PMEPA1: variants seen among roughly 807,000 people sequenced by gnomAD.
The protein encoded by PMEPA1 is protein TMEPAI.
PMEPA1 carries 11 observed loss-of-function variants against 23.0 expected under a neutral mutation model. The observed-to-expected ratio is 0.48, with a 90% CI of 0.30 to 0.79. The LOEUF (loss-of-function observed/expected upper bound fraction) is 0.79, where lower values mean the gene tolerates loss of function less well. Ranked by LOEUF, PMEPA1 falls within the 30% of genes least tolerant of loss-of-function variation. The pLI is 0.06. For missense variants in PMEPA1, 377 were observed against 390.9 expected, an observed-to-expected ratio of 0.96 and a Z score of 0.30; for synonymous variants, 204 against 166.4, an observed-to-expected ratio of 1.23 and a Z score of -1.74.
rs2071327910 is a variant in PMEPA1, at chr20:57,656,442, G to C, written c.264+3101C>G. Among the ~76,000 whole-genome samples the C allele has an allele frequency of 6.6e-6, 1 of 151,978 alleles. No individual in the cohort carries two copies. Among genetic ancestry groups the C allele is most frequent in the African/African-American group, 2.4e-5 (1 of 41,438 alleles). On this transcript the variant is annotated intron_variant, in intron 2 of 3. Transcript: ENST00000341744. The surrounding 1 kb of genome is among the most constrained non-coding windows in gnomAD (Gnocchi z 4.7). ...CAAAGGGTCACCCCATCCAAGGCCTGAGTTCCTAGTCTGAGCAGGCCTTGG... is the reference window on the plus strand; with the variant it reads ...CAAAGGGTCACCCCATCCAAGGCCTCAGTTCCTAGTCTGAGCAGGCCTTGG...
Position 57,659,712 on chromosome 20 carries a change from A to G in PMEPA1, c.110-15T>C. Reference sequence around the variant, plus strand: ...CTCCAGCTCCGCTGTGGAGACAAAGAGGGACACGTGAGACCCTGGACACCT... The same window carrying G: ...CTCCAGCTCCGCTGTGGAGACAAAGGGGGACACGTGAGACCCTGGACACCT... On this transcript the variant is annotated splice_polypyrimidine_tract_variant and intron_variant, in intron 1 of 3. Transcript: ENST00000341744. The G allele has an allele frequency of 1.3e-6, 2 of 1,559,124 alleles. No individual in the cohort carries two copies. Among genetic ancestry groups the G allele is most frequent in the South Asian group, 2.4e-5 (2 of 84,698 alleles).
At chr20:57,670,319 G>T (rs145193381) in intron 1 of PMEPA1, among the ~76,000 whole-genome samples, 9 of 152,132 alleles carry the variant, frequency 5.9e-5, no homozygotes, top group Non-Finnish European at 1.2e-4. Context: ...CTAGGCCTCC[G>T]TGGTGCAGCA....
At chr20:57,708,617 C>G (rs1369770908) in intron 1 of PMEPA1, among the ~76,000 whole-genome samples, 1 of 152,188 alleles carries the variant, frequency 6.6e-6, no homozygotes, top group Non-Finnish European at 1.5e-5. Flanking sequence ...TAACCATGGT[C>G]TCAGCCAGAC....
In PMEPA1 at chr20:57,706,935, C is replaced by T. The variant is rs886403040; in HGVS notation, c.109+2539G>A. 1.6e-4 allele frequency among the ~76,000 whole-genome samples: 24 copies of T among 152,198 alleles called. 1 individual carries two copies. The highest frequency in any genetic ancestry group is 4.4e-5 in the Non-Finnish European group (3 of 68,044). On this transcript the variant is annotated intron_variant, in intron 1 of 3. Transcript: ENST00000341744. ...CAGCCTGAAGACCTCCAGCCAGGCTCAGCAGGGGAGAGGCCCTATCTTGAA... is the reference window on the plus strand; with the variant it reads ...CAGCCTGAAGACCTCCAGCCAGGCTTAGCAGGGGAGAGGCCCTATCTTGAA...
Position 57,694,971 on chromosome 20 carries a change from T to C in PMEPA1, c.109+14503A>G, listed in dbSNP as rs906125230. Among the ~76,000 whole-genome samples the C allele has an allele frequency of 1.3e-5, 2 of 152,190 alleles. 1 individual carries two copies. Among genetic ancestry groups the C allele is most frequent in the South Asian group, 4.1e-4 (2 of 4,826 alleles). ...TTTCTTCTTCTTCTTCAGAGCATGC[T>C]AGAGTCAAGGGGAGAGGGACCACTG... On this transcript the variant is annotated intron_variant, in intron 1 of 3. Transcript: ENST00000341744.
chr20:57,705,508 G>A lies in PMEPA1; in HGVS notation c.109+3966C>T, dbSNP rs144585067. ...AAACATCAGCTTTCACTAACGCCAG[G>A]GTCTCTCCTTAGAAAAGCAAATCCA... is the stretch of plus-strand genomic sequence containing the variant. On this transcript the variant is annotated intron_variant, in intron 1 of 3. Transcript: ENST00000341744. 3.3e-5 allele frequency among the ~76,000 whole-genome samples: 5 copies of A among 152,194 alleles called. No homozygotes were observed. In the East Asian group the frequency reaches 9.6e-4, roughly 29 times the overall value.
intron 1 of PMEPA1, 94 bp from the exon 2 acceptor site, chr20:57,659,791 G>C (rs914304789): frequency 3.6e-5 from 43 of 1,210,808 alleles, no homozygotes; most frequent in Non-Finnish European, 4.9e-5. Flanking sequence ...CCCACCTAGG[G>C]GGACGAGAGT....
At chr20:57,657,381 C>A (rs1192956651) in intron 2 of PMEPA1, among the ~76,000 whole-genome samples, 1 of 152,194 alleles carries the variant, frequency 6.6e-6, no homozygotes, top group African/African-American at 2.4e-5. Flanking sequence ...TTCACACCGG[C>A]AGTGACAAGC....
At chr20:57,710,098 C>G (rs538199596), upstream of PMEPA1, 5 of 885,886 alleles carry the variant, frequency 5.6e-6, no homozygotes, top group South Asian at 2.6e-4. Flanking sequence ...CGCCGAGGTT[C>G]CCCCGCACCC....
intron 1 of PMEPA1, among the ~76,000 whole-genome samples, chr20:57,662,226 A>G (rs954754747): frequency 6.6e-6 from 1 of 152,178 alleles, no homozygotes; most frequent in Non-Finnish European, 1.5e-5. Flanking sequence ...GGCTGTGGTA[A>G]CCGTCCTGCA....
Position 57,652,244 on chromosome 20 carries a change from T to G in PMEPA1, c.673A>C (p.Met225Leu), listed in dbSNP as rs1196484107. 6.2e-7 allele frequency: 1 copy of G among 1,606,888 alleles called. No individual in the cohort carries two copies. The highest frequency in any genetic ancestry group is 8.5e-7 in the Non-Finnish European group (1 of 1,179,222). Residue 225 changes from methionine (M) to leucine (L), a missense_variant, in exon 4 of 4, where the codon ATG becomes CTG. Around this residue, in one of 3 missense-constraint regions of PMEPA1, gnomAD observed 176 missense variants for 173.0 expected, o/e 1.02. Transcript: ENST00000341744. This position sits in a 1 kb window ranked among gnomAD's most constrained non-coding sequence, Gnocchi z 6.1. ...SATCYGSGGR[M>L]EGPPPTYSEV... ...CTGTAGGTGGGCGGCGGCCCCTCCATGCGCCCGCCGCTGCCGTAGCACGTG... is the reference window on the plus strand; with the variant it reads ...CTGTAGGTGGGCGGCGGCCCCTCCAGGCGCCCGCCGCTGCCGTAGCACGTG...
Position 57,652,977 on chromosome 20 carries a change from G to C in PMEPA1, c.318+56C>G. On this transcript the variant is annotated intron_variant, in intron 3 of 3. Coordinates refer to ENST00000341744, the MANE Select transcript of PMEPA1 (RefSeq NM_020182.5). The surrounding 1 kb of genome is among the most constrained non-coding windows in gnomAD (Gnocchi z 6.1). ...CAGCCCACACTGTTCCAGCCGCAGC[G>C]GGAGCAGCCCAGGGTGGGATGGGGG... is the stretch of plus-strand genomic sequence containing the variant. 7.0e-7 allele frequency: 1 copy of C among 1,436,428 alleles called. No individual in the cohort carries two copies. Among genetic ancestry groups the C allele is most frequent in the Non-Finnish European group, 9.6e-7 (1 of 1,037,194 alleles). 89.0% of individuals were successfully genotyped at this position (1,436,428 alleles called of 1,614,324 possible).
At chr20:57,695,166 T>C (rs2071929499) in intron 1 of PMEPA1, among the ~76,000 whole-genome samples, 1 of 152,264 alleles carries the variant, frequency 6.6e-6, no homozygotes, top group Admixed American at 6.5e-5. Context: ...GATTCATACC[T>C]GTCTGGGGTC....
chr20:57,668,583 G>A (rs568412688), intron 1 of PMEPA1, among the ~76,000 whole-genome samples: 12 of 152,268 alleles, frequency 7.9e-5, no homozygotes, highest in East Asian at 1.9e-4. Flanking sequence ...AGCAGGCCCC[G>A]GTCCAGCGCC....
rs982686985 is a variant in PMEPA1, at chr20:57,649,852, C to A, written c.*2201G>T. 1.3e-5 allele frequency: 2 copies of A among 152,626 alleles called. No homozygotes were observed. The highest frequency in any genetic ancestry group is 4.8e-5 in the African/African-American group (2 of 41,436). 9.5% of individuals were successfully genotyped at this position (152,626 alleles called of 1,614,324 possible). A position where few individuals can be genotyped will look rare whatever the true frequency, so the allele number is the denominator to read the frequency against. On this transcript the variant is annotated 3_prime_UTR_variant, in exon 4 of 4. Transcript: ENST00000341744. ...GAGTGAGGCACTGTCCGGGAACGTCCTCACCGAGCGACGGGAGTGTCACTG... is the reference window on the plus strand; with the variant it reads ...GAGTGAGGCACTGTCCGGGAACGTCATCACCGAGCGACGGGAGTGTCACTG...
chr20:57,693,820 G>A (rs2071913311), intron 1 of PMEPA1, among the ~76,000 whole-genome samples: 1 of 152,200 alleles, frequency 6.6e-6, no homozygotes, highest in Non-Finnish European at 1.5e-5. Context: ...CTGAGTCTCA[G>A]CAGGCTCTTC....
chr20:57,673,155 G>A (rs1339847809), intron 1 of PMEPA1, among the ~76,000 whole-genome samples: 1 of 152,110 alleles, frequency 6.6e-6, no homozygotes, highest in East Asian at 1.9e-4. Context: ...CACCCTGGCC[G>A]CACTGGGAGC....
rs1416103815 is a variant in PMEPA1 at position 57,683,925 on chromosome 20, G to A, written c.110-24228C>T. 1.3e-5 allele frequency among the ~76,000 whole-genome samples: 2 copies of A among 152,126 alleles called. No individual in the cohort carries two copies. The highest frequency in any genetic ancestry group is 1.3e-4 in the Admixed American group (2 of 15,268). Reference sequence around the variant, plus strand: ...CTCCTGCCTGTGGGCTGTCTGTTTTGGGGGTAGAAATAAAAAGATCTGGCC... The same window carrying A: ...CTCCTGCCTGTGGGCTGTCTGTTTTAGGGGTAGAAATAAAAAGATCTGGCC... On this transcript the variant is annotated intron_variant, in intron 1 of 3. Coordinates refer to ENST00000341744, the MANE Select transcript of PMEPA1 (RefSeq NM_020182.5). This position sits in a 1 kb window ranked among gnomAD's most constrained non-coding sequence, Gnocchi z 4.3.
chr20:57,679,006 G>A (rs568180389), intron 1 of PMEPA1, among the ~76,000 whole-genome samples: 1 of 152,210 alleles, frequency 6.6e-6, no homozygotes, highest in African/African-American at 2.4e-5. Context: ...AGAAGAGCCA[G>A]GAACTGCAGG....
Sources: gnomAD v4.1 joint callset for allele counts (sites outside exome capture counted in the v4.1 genomes callset) on GRCh38, gnomAD v4.1.1 for gene constraint, gnomAD v4.1.1 regional missense constraint, Gnocchi (gnomAD v3.1) non-coding constraint, MANE v1.5 for transcripts, NCBI Gene and HGNC (gene_info 2026-07-23, HGNC 2026-07-21) for gene names.